Variants in PRCP observed in about 807,000 individuals in gnomAD.
PRCP encodes prolylcarboxypeptidase.
A neutral mutation model predicts 54.2 loss-of-function variants in PRCP; 46 were observed. The observed-to-expected ratio is 0.85, with a 90% CI of 0.67 to 1.09. PRCP has a LOEUF of 1.09. PRCP is among the 50% of genes least tolerant of loss of function. PRCP has a pLI of 0.00. For missense variants in PRCP, 613 were observed against 596.8 expected (o/e 1.03, Z -0.28); for synonymous variants, 240 against 212.2 (o/e 1.13, Z -1.14).
chr11:82,850,109 G>T (rs1425767612), intron 4 of PRCP, 38 bp from the exon 5 acceptor site: 1 of 964,772 alleles, frequency 1.0e-6, no homozygotes, highest in South Asian at 4.7e-5. Flanking sequence ...AAAAAGAAAA[G>T]AAAAAATATA....
chr11:82,881,791 C>G (rs1859755077), intron 1 of PRCP, among the ~76,000 whole-genome samples: 1 of 152,074 alleles, frequency 6.6e-6, no homozygotes, highest in South Asian at 2.1e-4. Flanking sequence ...CCCATGTGAA[C>G]AGGAGAGTGC....
chr11:82,865,494 G>A (rs1335871898), intron 1 of PRCP, among the ~76,000 whole-genome samples: 1 of 152,118 alleles, frequency 6.6e-6, no homozygotes, highest in African/African-American at 2.4e-5. Flanking sequence ...AATCACATTG[G>A]CTCCTTCTTG....
chr11:82,843,587 G>T (rs1858727568), intron 6 of PRCP, among the ~76,000 whole-genome samples: 1 of 152,204 alleles, frequency 6.6e-6, no homozygotes, highest in Non-Finnish European at 1.5e-5. Context: ...AACCATCTCT[G>T]TCCAAAATAC....
chr11:82,882,854 A>AACACACACAC (rs3222274), intron 1 of PRCP, among the ~76,000 whole-genome samples: 8,833 of 71,928 alleles, frequency 0.12, 349 homozygotes, highest in Middle Eastern at 0.24. Flanking sequence ...CTACCTGTGC[A>AACACACACAC]ACACACACAC....
intron 1 of PRCP, among the ~76,000 whole-genome samples, chr11:82,869,493 G>A (rs1354939727): frequency 6.6e-6 from 1 of 151,704 alleles, no homozygotes; most frequent in Non-Finnish European, 1.5e-5. Flanking sequence ...AGGAAGAGAG[G>A]GAGAAAGGGA....
intron 1 of PRCP, among the ~76,000 whole-genome samples, chr11:82,861,818 C>T (rs1859212999): frequency 6.6e-6 from 1 of 152,084 alleles, no homozygotes; most frequent in African/African-American, 2.4e-5. Context: ...ATACATGACC[C>T]TGGATTGGAT....
upstream of PRCP, among the ~76,000 whole-genome samples, chr11:82,901,141 T>A (rs527643337): frequency 6.6e-5 from 10 of 152,254 alleles, no homozygotes; most frequent in South Asian, 1.0e-3. Flanking sequence ...ATCTGGAGCC[T>A]AACCACTCCC....
At chr11:82,874,981 T>C (rs581485) in intron 1 of PRCP, among the ~76,000 whole-genome samples, 3 of 151,792 alleles carry the variant, frequency 2.0e-5, no homozygotes, top group Non-Finnish European at 4.4e-5. Context: ...TATTTATACA[T>C]ACATGTCTTA....
At chr11:82,864,983 G>A (rs1245685241) in intron 1 of PRCP, among the ~76,000 whole-genome samples, 1 of 152,074 alleles carries the variant, frequency 6.6e-6, no homozygotes, top group African/African-American at 2.4e-5. Flanking sequence ...GGTGGGAGAG[G>A]TGGGGATGGG....
chr11:82,834,415 G>C (rs936006063), intron 8 of PRCP, among the ~76,000 whole-genome samples: 1 of 152,182 alleles, frequency 6.6e-6, no homozygotes, highest in Non-Finnish European at 1.5e-5. Context: ...CACTTTATAA[G>C]ACTGAGCTGA....
At chr11:82,884,968 T>G in intron 1 of PRCP, 1 of 1,552,496 alleles carries the variant, frequency 6.4e-7, no homozygotes, top group Non-Finnish European at 8.7e-7. Flanking sequence ...AAACAATATA[T>G]GCCATCAGTG....
At chr11:82,876,700 C>A (rs1859610438) in intron 1 of PRCP, among the ~76,000 whole-genome samples, 1 of 152,184 alleles carries the variant, frequency 6.6e-6, no homozygotes, top group Non-Finnish European at 1.5e-5. Context: ...CACCTCCTGC[C>A]ATGATTCTGA....
intron 1 of PRCP, among the ~76,000 whole-genome samples, chr11:82,875,077 G>A (rs2121221632): frequency 6.6e-6 from 1 of 152,070 alleles, no homozygotes; most frequent in Non-Finnish European, 1.5e-5. Flanking sequence ...CACACCATGT[G>A]TGTTATTTCT....
chr11:82,840,386 A>C (rs923543570), intron 6 of PRCP: 1 of 152,158 alleles, frequency 6.6e-6, no homozygotes. Context: ...AGAACCATAC[A>C]CAAATATTGA....
chr11:82,870,545 C>G (rs3750929), intron 1 of PRCP, among the ~76,000 whole-genome samples: 7,028 of 152,154 alleles, frequency 0.046, 246 homozygotes, highest in South Asian at 0.12. Flanking sequence ...AGTTAAAATG[C>G]CTCTCATATA....
At chr11:82,842,859 G>A (rs1858708539) in intron 6 of PRCP, among the ~76,000 whole-genome samples, 1 of 152,128 alleles carries the variant, frequency 6.6e-6, no homozygotes. Context: ...AAGATTTTGT[G>A]AGTCCAAGCA....
chr11:82,901,310 C>T, upstream of PRCP: 1 of 205,568 alleles, frequency 4.9e-6, no homozygotes, highest in South Asian at 6.3e-5. Flanking sequence ...CGAAAACCCA[C>T]TCCGCGCTCC....
chr11:82,830,654 A>AAAAAAAAAAAAAAAAC (rs1358047460), intron 8 of PRCP: 1 of 150,192 alleles, frequency 6.7e-6, no homozygotes, highest in Non-Finnish European at 1.5e-5. Flanking sequence ...AAAAAAAAAA[A>AAAAAAAAAAAAAAAAC]ACTACACTCC....
intron 1 of PRCP, among the ~76,000 whole-genome samples, chr11:82,870,769 G>C (rs1258191852): frequency 1.3e-5 from 2 of 152,160 alleles, no homozygotes; most frequent in Non-Finnish European, 2.9e-5. Context: ...TACAACCCAG[G>C]AGCAGGAGCA....
Sources: allele counts gnomAD v4.1 joint callset (sites outside exome capture counted in the v4.1 genomes callset), GRCh38; gene constraint gnomAD v4.1.1; transcripts MANE v1.5; gene names NCBI Gene and HGNC (gene_info 2026-07-23, HGNC 2026-07-21).